The following CADM2 variants were observed in gnomAD, a reference collection of about 807,000 sequenced individuals.
CADM2 encodes the protein immunoglobulin superfamily member 4D.
A neutral mutation model predicts 49.8 loss-of-function variants in CADM2; 12 were observed. The ratio of observed to expected loss-of-function variants is 0.24; its 90% CI spans 0.15 to 0.39. CADM2 has a LOEUF of 0.39. Among genes scored for constraint, CADM2 ranks in the 10% least tolerant of loss-of-function variants. The probability of loss-of-function intolerance (pLI) is 1.00; values close to 1 mark genes in which losing one functional copy is unlikely to be tolerated. For synonymous variants in CADM2, 214 were observed against 175.4 expected (o/e 1.22, Z -1.74); for missense variants, 378 against 492.3 (o/e 0.77, Z 2.20).
intron 1 of CADM2, among the ~76,000 whole-genome samples, chr3:85,284,266 T>C (rs1397550878): frequency 6.6e-6 from 1 of 152,146 alleles, no homozygotes; most frequent in Non-Finnish European, 1.5e-5. Flanking sequence ...TATTCACTTA[T>C]TCAGCACTAA....
intron 6 of CADM2, among the ~76,000 whole-genome samples, chr3:85,916,956 T>G (rs893444160): frequency 1.3e-5 from 2 of 152,196 alleles, no homozygotes; most frequent in Non-Finnish European, 2.9e-5. Flanking sequence ...GTTTTTTGGC[T>G]GCATAAATGT....
intron 3 of CADM2, among the ~76,000 whole-genome samples, chr3:85,827,165 T>A (rs2108213294): frequency 6.6e-6 from 1 of 152,068 alleles, no homozygotes; most frequent in South Asian, 2.1e-4. Flanking sequence ...TAGGTTTCAT[T>A]AAGATGAATA....
In CADM2 at chr3:85,596,079, T is replaced by A. The variant is rs190780896; in HGVS notation, c.62-130443T>A. Among the ~76,000 whole-genome samples the A allele has an allele frequency of 2.6e-5, 4 of 152,026 alleles. No individual in the cohort carries two copies. The East Asian group carries it at 7.7e-4, about 29-fold the overall frequency. The stretch of plus-strand genomic sequence containing the variant: ...TTATCATGACATAATTATTTTATAT[T>A]TTTGCTTTCAGCATATTTATTTATC... On this transcript the variant is annotated intron_variant, in intron 1 of 9. Coordinates refer to ENST00000383699, the MANE Select transcript of CADM2 (RefSeq NM_001167675.2).
rs927993727 is a variant in CADM2, at chr3:85,227,400, A to T, written c.61+267732A>T. Among the ~76,000 whole-genome samples the T allele has an allele frequency of 4.9e-5, 7 of 143,258 alleles. No homozygotes were observed. The East Asian group carries it at 1.2e-3, about 25-fold the overall frequency. The allele number at this position is 143,258 out of a possible 152,430, so 94.0% of individuals were successfully genotyped here. On this transcript the variant is annotated intron_variant, in intron 1 of 9. Transcript: ENST00000383699. ...GTAATGCCTTTCTTTGTCTCTTTTG[A>T]CCTTTCTTGGTTTAAAGTCTGCCTT...
chr3:85,526,412 C>A (rs1210817689), intron 1 of CADM2, among the ~76,000 whole-genome samples: 1 of 152,112 alleles, frequency 6.6e-6, no homozygotes, highest in Non-Finnish European at 1.5e-5. Flanking sequence ...AGTTATGTAG[C>A]TTCTCAAATC....
chr3:85,024,455 T>C (rs539031701), intron 1 of CADM2, among the ~76,000 whole-genome samples: 4 of 152,104 alleles, frequency 2.6e-5, no homozygotes, highest in Non-Finnish European at 5.9e-5. Flanking sequence ...TTGTATATGT[T>C]ATAATCATAA....
chr3:85,317,273 A>T (rs1576339025), intron 1 of CADM2, among the ~76,000 whole-genome samples: 5 of 152,192 alleles, frequency 3.3e-5, no homozygotes, highest in Non-Finnish European at 7.4e-5. Context: ...CTAAATTATC[A>T]ACATAGCACC....
At chr3:85,444,664 A>T (rs992905461) in intron 1 of CADM2, among the ~76,000 whole-genome samples, 1 of 152,100 alleles carries the variant, frequency 6.6e-6, no homozygotes, top group African/African-American at 2.4e-5. Context: ...CTCAATTTTT[A>T]TTATAGTGTC....
intron 3 of CADM2, among the ~76,000 whole-genome samples, chr3:85,824,203 C>T (rs144751303): frequency 3.9e-5 from 6 of 152,212 alleles, no homozygotes; most frequent in Non-Finnish European, 7.4e-5. Flanking sequence ...ATTTTACATA[C>T]AAGAATATTG....
chr3:85,290,687 T>C (rs559870464), intron 1 of CADM2, among the ~76,000 whole-genome samples: 1 of 152,220 alleles, frequency 6.6e-6, no homozygotes, highest in Admixed American at 6.5e-5. Context: ...GACTGACACC[T>C]CACATGGGCT....
At chr3:85,293,176 T>C (rs2043852327) in intron 1 of CADM2, among the ~76,000 whole-genome samples, 1 of 152,000 alleles carries the variant, frequency 6.6e-6, no homozygotes, top group African/African-American at 2.4e-5. Context: ...GCAAATAAAC[T>C]GGAAAATCTA....
At chr3:85,450,850 C>G (rs1576579524) in intron 1 of CADM2, among the ~76,000 whole-genome samples, 1 of 152,058 alleles carries the variant, frequency 6.6e-6, no homozygotes, top group East Asian at 1.9e-4. Context: ...AGACTATGAA[C>G]TTCAAATTTA....
chr3:85,557,546 G>T (rs4856587), intron 1 of CADM2, among the ~76,000 whole-genome samples: 77,206 of 150,988 alleles, frequency 0.51, 22,779 homozygotes, highest in East Asian at 0.85. Flanking sequence ...ATTTAATAAT[G>T]AAATATAAAT....
At chr3:85,026,949 A>G (rs1401743362) in intron 1 of CADM2, among the ~76,000 whole-genome samples, 3 of 151,888 alleles carry the variant, frequency 2.0e-5, no homozygotes, top group Admixed American at 1.3e-4. Flanking sequence ...TAGCTAACTT[A>G]TAGTAATTAT....
chr3:85,651,822 CTTTTTTTT>C (rs201326377), intron 1 of CADM2, among the ~76,000 whole-genome samples: 53 of 140,498 alleles, frequency 3.8e-4, no homozygotes, highest in Non-Finnish European at 7.3e-4. Flanking sequence ...TTGTTTTTTT[CTTTTTTTT>C]TTTTTGAGAC....
chr3:85,857,444 G>A (rs1179294368), intron 3 of CADM2, among the ~76,000 whole-genome samples: 4 of 152,094 alleles, frequency 2.6e-5, no homozygotes, highest in South Asian at 2.1e-4. Flanking sequence ...AGAGTCCTCC[G>A]TGCCTACCAT....
intron 1 of CADM2, among the ~76,000 whole-genome samples, chr3:85,687,355 A>G (rs1177921718): frequency 1.3e-5 from 2 of 152,200 alleles, no homozygotes; most frequent in African/African-American, 2.4e-5. Flanking sequence ...AATATGAATC[A>G]TCTTATTTAA....
chr3:85,999,595 G>T (rs1232998194), intron 8 of CADM2, among the ~76,000 whole-genome samples: 2 of 149,550 alleles, frequency 1.3e-5, no homozygotes, highest in Non-Finnish European at 3.0e-5. Flanking sequence ...GGGAGGGAGA[G>T]GGAGGGAGGG....
intron 1 of CADM2, among the ~76,000 whole-genome samples, chr3:85,587,892 G>A (rs1408369213): frequency 4.6e-5 from 7 of 151,830 alleles, no homozygotes; most frequent in East Asian, 1.9e-4. Flanking sequence ...CTACAGACAC[G>A]CGTCACCATC....
Sources: allele counts gnomAD v4.1 joint callset (sites outside exome capture counted in the v4.1 genomes callset), GRCh38; gene constraint gnomAD v4.1.1; transcripts MANE v1.5; gene names NCBI Gene and HGNC (gene_info 2026-07-23, HGNC 2026-07-21).